NALF1: variants seen among roughly 807,000 people sequenced by gnomAD.
NALF1 encodes NALCN channel auxiliary factor 1.
Under a neutral mutation model 48.4 loss-of-function variants are expected in NALF1, and 3 were observed. The ratio of observed to expected loss-of-function variants is 0.06; its 90% CI spans 0.03 to 0.16. The LOEUF (loss-of-function observed/expected upper bound fraction) is 0.16. NALF1 is among the 10% of genes least tolerant of loss of function. The pLI is 1.00. For synonymous variants in NALF1, 262 were observed against 245.7 expected, an observed-to-expected ratio of 1.07 and a Z score of -0.62; for missense variants, 526 against 571.5, an observed-to-expected ratio of 0.92 and a Z score of 0.81.
chr13:107,301,741 C>G (rs1280955916), intron 1 of NALF1, among the ~76,000 whole-genome samples: 2 of 151,946 alleles, frequency 1.3e-5, no homozygotes, highest in Non-Finnish European at 2.9e-5. Flanking sequence ...CTATAATGGT[C>G]TATATTTGAT....
intron 1 of NALF1, among the ~76,000 whole-genome samples, chr13:107,773,389 T>C (rs951631616): frequency 6.6e-6 from 1 of 152,180 alleles, no homozygotes; most frequent in Non-Finnish European, 1.5e-5. Context: ...ACTAATGTCT[T>C]TGTTTAAAGC....
chr13:107,202,762 A>C (rs1014325850), intron 2 of NALF1, among the ~76,000 whole-genome samples: 11 of 152,200 alleles, frequency 7.2e-5, no homozygotes, highest in African/African-American at 2.7e-4. Flanking sequence ...TGTGGGCGTG[A>C]TCACCTTCCG....
intron 1 of NALF1, among the ~76,000 whole-genome samples, chr13:107,865,362 C>T (rs1594321978): frequency 1.3e-5 from 2 of 152,126 alleles, no homozygotes; most frequent in South Asian, 2.1e-4. Flanking sequence ...ACTTTTTCAA[C>T]TTCCTTTTCT....
intron 1 of NALF1, among the ~76,000 whole-genome samples, chr13:107,413,452 G>A (rs533136309): frequency 6.6e-5 from 10 of 151,372 alleles, no homozygotes; most frequent in Admixed American, 2.0e-4. Flanking sequence ...CTGAAAACTC[G>A]TCAATTTTAA....
intron 1 of NALF1, among the ~76,000 whole-genome samples, chr13:107,471,602 G>A (rs575364943): frequency 2.2e-4 from 34 of 152,286 alleles, no homozygotes; most frequent in African/African-American, 7.9e-4. Context: ...TTTATTATAT[G>A]TTGGCTTCAT....
chr13:107,494,956 G>A (rs2139072698), intron 1 of NALF1, among the ~76,000 whole-genome samples: 1 of 152,326 alleles, frequency 6.6e-6, no homozygotes, highest in South Asian at 2.1e-4. Context: ...TAGAGCATAA[G>A]ACAAGCAACT....
At chr13:107,693,643 T>C (rs1283394744) in intron 1 of NALF1, among the ~76,000 whole-genome samples, 1 of 152,004 alleles carries the variant, frequency 6.6e-6, no homozygotes. Flanking sequence ...AAGGGAAGTA[T>C]TCATTGCACC....
intron 1 of NALF1, among the ~76,000 whole-genome samples, chr13:107,702,283 GTAAT>G (rs1464615843): frequency 1.3e-5 from 2 of 152,066 alleles, no homozygotes; most frequent in African/African-American, 4.8e-5. Flanking sequence ...AGCAATTACT[GTAAT>G]TAATACAAGC....
chr13:107,427,143 A>T (rs1319977809), intron 1 of NALF1, among the ~76,000 whole-genome samples: 1 of 151,670 alleles, frequency 6.6e-6, no homozygotes, highest in Non-Finnish European at 1.5e-5. Context: ...AATTTTAAAA[A>T]ATAGGCATAT....
In NALF1 at chr13:107,656,677, G is replaced by T. The variant is rs564149880; in HGVS notation, c.915+209005C>A. 1.1e-3 allele frequency among the ~76,000 whole-genome samples: 162 copies of T among 152,168 alleles called. 2 individuals carry two copies. The highest frequency in any genetic ancestry group is 2.4e-4 in the Non-Finnish European group (16 of 67,996). Reference sequence around the variant, plus strand: ...TACTGGGTATCTACCTAGAGGAAAAGAAGTCATTATATGAAAAAGATACTT... The same window carrying T: ...TACTGGGTATCTACCTAGAGGAAAATAAGTCATTATATGAAAAAGATACTT... On this transcript the variant is annotated intron_variant, in intron 1 of 2. Coordinates refer to ENST00000375915, the MANE Select transcript of NALF1 (RefSeq NM_001080396.3).
At chr13:107,210,538 C>A in intron 2 of NALF1, 46 bp downstream of exon 2, 2 of 1,387,198 alleles carry the variant, frequency 1.4e-6, no homozygotes, top group Non-Finnish European at 2.0e-6. Context: ...CACAAGAAAG[C>A]AAAACCACCG....
At chr13:107,497,644 A>AT (rs1875383619) in intron 1 of NALF1, among the ~76,000 whole-genome samples, 1 of 152,178 alleles carries the variant, frequency 6.6e-6, no homozygotes, top group East Asian at 1.9e-4. Flanking sequence ...AACAAAATTA[A>AT]TAATCCCCAG....
chr13:107,325,196 T>G (rs1882328772), intron 1 of NALF1, among the ~76,000 whole-genome samples: 1 of 152,154 alleles, frequency 6.6e-6, no homozygotes, highest in African/African-American at 2.4e-5. Context: ...GTGTGCATAT[T>G]ATAAGACAAA....
chr13:107,557,915 T>TCAGTACC (rs1373568623), intron 1 of NALF1, among the ~76,000 whole-genome samples: 1 of 152,176 alleles, frequency 6.6e-6, no homozygotes, highest in African/African-American at 2.4e-5. Flanking sequence ...ATGCCTACTC[T>TCAGTACC]CAGTACCGTG....
At chr13:107,452,839 G>A (rs1884764735) in intron 1 of NALF1, among the ~76,000 whole-genome samples, 2 of 152,170 alleles carry the variant, frequency 1.3e-5, no homozygotes, top group Non-Finnish European at 2.9e-5. Flanking sequence ...AGGGGGTAAA[G>A]GCCTTAGATA....
At chr13:107,782,984 G>A (rs1877951747) in intron 1 of NALF1, among the ~76,000 whole-genome samples, 1 of 142,546 alleles carries the variant, frequency 7.0e-6, no homozygotes, top group African/African-American at 2.6e-5. Flanking sequence ...TCAGCCCCCC[G>A]CCCGGCCAGC....
Position 107,721,164 on chromosome 13 carries a change from A to AT in NALF1, c.915+144517dup, listed in dbSNP as rs569707679. Among the ~76,000 whole-genome samples, 21 of 151,752 alleles carry AT rather than the reference A, an allele frequency of 1.4e-4. No individual in the cohort carries two copies. The South Asian group carries it at 3.8e-3, about 27-fold the overall frequency. On this transcript the variant is annotated intron_variant, in intron 1 of 2. Coordinates refer to ENST00000375915, the MANE Select transcript of NALF1 (RefSeq NM_001080396.3). ...CACACACACACGTAATGAAATAATC[A>AT]TAACTCTCATTTATGGAATAGACAT...
At chr13:107,472,628 T>C in intron 1 of NALF1, among the ~76,000 whole-genome samples, 1 of 152,150 alleles carries the variant, frequency 6.6e-6, no homozygotes, top group East Asian at 1.9e-4. Flanking sequence ...TCTCCCGTGC[T>C]GGATGCTTCC....
chr13:107,198,678 C>A (rs774916844), intron 2 of NALF1, among the ~76,000 whole-genome samples: 1 of 152,196 alleles, frequency 6.6e-6, no homozygotes, highest in Non-Finnish European at 1.5e-5. Context: ...CAAAATCCCA[C>A]ATACTAGGGG....
Sources: allele counts gnomAD v4.1 joint callset (sites outside exome capture counted in the v4.1 genomes callset), GRCh38; gene constraint gnomAD v4.1.1; transcripts MANE v1.5; gene names NCBI Gene and HGNC (gene_info 2026-07-23, HGNC 2026-07-21).